Variants in SEC16A observed in about 807,000 individuals in gnomAD.
The protein encoded by SEC16A is protein transport protein Sec16A.
In SEC16A, 110 loss-of-function variants were observed where a neutral mutation model predicts 221.9. The ratio of observed to expected loss-of-function variants is 0.50; its 90% CI spans 0.42 to 0.58. SEC16A has a LOEUF of 0.58. SEC16A is among the 20% of genes least tolerant of loss of function. The pLI, the probability that SEC16A is intolerant of heterozygous loss-of-function variation, is 0.00. For missense variants in SEC16A, 3,165 were observed against 3,097.8 expected, an observed-to-expected ratio of 1.02 and a Z score of -0.52; for synonymous variants, 1,393 against 1,257.7, an observed-to-expected ratio of 1.11 and a Z score of -2.28.
intron 12 of SEC16A, among the ~76,000 whole-genome samples, chr9:136,461,943 A>C (rs182155380): frequency 0.021 from 2,987 of 141,998 alleles, 45 homozygotes; most frequent in Middle Eastern, 0.053. Flanking sequence ...CCGTCTCTAC[A>C]AAAAAAAAAA....
At chr9:136,448,624 G>A in intron 23 of SEC16A, 1 of 712,504 alleles carries the variant, frequency 1.4e-6, no homozygotes, top group Non-Finnish European at 2.6e-6. Flanking sequence ...GACACACCAG[G>A]AGGATGGAGG....
At position 136,476,687 on chromosome 9, in the gene SEC16A, T is replaced by C. The variant is rs1841686747; in HGVS notation, c.929A>G (p.Asn310Ser). ...STFRQNPRIV[N>S]HWASPELRQN... is the part of the protein sequence containing the mutation. ...CCTGAGCTCTGGGCTTGCCCAGTGA[T>C]TCACAATTCTGGGATTTTGCCTGAA... Residue 310 changes from asparagine (N) to serine (S), a missense_variant, in exon 3 of 32, where the codon AAT becomes AGT. Asn to Ser is a conservative substitution (Grantham distance 46). This residue lies in a region of SEC16A where 2,030 missense variants were observed against 1,923.1 expected (regional missense o/e 1.06). Coordinates refer to ENST00000684901, the MANE Select transcript of SEC16A (RefSeq NM_014866.2). The C allele has an allele frequency of 6.4e-7, 1 of 1,572,460 alleles. No individual in the cohort carries two copies. Among genetic ancestry groups the C allele is most frequent in the South Asian group, 1.2e-5 (1 of 84,992 alleles).
intron 23 of SEC16A, among the ~76,000 whole-genome samples, 183 bp downstream of exon 23, chr9:136,451,073 T>A (rs1483173729): frequency 6.6e-6 from 1 of 152,122 alleles, no homozygotes; most frequent in African/African-American, 2.4e-5. Flanking sequence ...TGGGCTATTA[T>A]CCTATTATCT....
chr9:136,456,204 C>T (rs573712379), intron 18 of SEC16A, 38 bp from the exon 19 acceptor site: 18 of 1,483,740 alleles, frequency 1.2e-5, no homozygotes, highest in East Asian at 6.8e-5. Context: ...CTGTCACCAC[C>T]GGGTGATGGC....
At position 136,474,044 on chromosome 9, in the gene SEC16A, C is replaced by CT. The variant is rs768027897; in HGVS notation, c.3567+4dup. 3.1e-5 allele frequency: 49 copies of CT among 1,595,266 alleles called. 1 individual carries two copies. In the South Asian group the frequency reaches 5.4e-4, roughly 17 times the overall value. ...AGTGGGTTACACATACGACTCGACTCTTACCTGGTAATAGAGGGAGGCTGC... is the reference window on the plus strand; with the variant it reads ...AGTGGGTTACACATACGACTCGACTCTTTACCTGGTAATAGAGGGAGGCTGC... On this transcript the variant is annotated splice_donor_region_variant and intron_variant, in intron 3 of 31. Coordinates refer to ENST00000684901, the MANE Select transcript of SEC16A (RefSeq NM_014866.2).
intron 21 of SEC16A, among the ~76,000 whole-genome samples, chr9:136,453,848 A>G (rs1838224718): frequency 1.3e-5 from 2 of 152,234 alleles, no homozygotes; most frequent in South Asian, 4.1e-4. Flanking sequence ...CAGGAGACCC[A>G]TGGCCACCAT....
intron 22 of SEC16A, among the ~76,000 whole-genome samples, chr9:136,452,760 T>C (rs1364467958): frequency 9.5e-6 from 1 of 105,266 alleles, no homozygotes; most frequent in African/African-American, 3.9e-5. Context: ...AGCGAAACTA[T>C]GTCTTAGGGA....
intron 29 of SEC16A, among the ~76,000 whole-genome samples, 154 bp downstream of exon 29, chr9:136,445,491 T>G (rs1418637678): frequency 6.6e-6 from 1 of 152,188 alleles, no homozygotes; most frequent in African/African-American, 2.4e-5. Context: ...AAGTGCAATT[T>G]TTTTTCCCCC....
chr9:136,452,735 C>T (rs1288096609), intron 22 of SEC16A, among the ~76,000 whole-genome samples: 1 of 137,812 alleles, frequency 7.3e-6, no homozygotes, highest in Non-Finnish European at 1.5e-5. Flanking sequence ...CACTGCATTC[C>T]AGCCTAGGCG....
chr9:136,482,496 C>G (rs1564555788), intron 1 of SEC16A, among the ~76,000 whole-genome samples: 1 of 152,236 alleles, frequency 6.6e-6, no homozygotes, highest in Non-Finnish European at 1.5e-5. Flanking sequence ...ACATCCTGAT[C>G]GCCCAATCAA....
chr9:136,483,046 G>T (rs7020201), upstream of SEC16A: 4 of 984,072 alleles, frequency 4.1e-6, no homozygotes, highest in African/African-American at 1.8e-5. Flanking sequence ...CATCCGGCTC[G>T]GGTCTCCGCG....
Position 136,443,847 on chromosome 9 carries a change from G to A in SEC16A, c.6981C>T (p.Phe2327=), listed in dbSNP as rs1224285079. ...CCTGTGCCAGCTGAGCAGGGTTGTA[G>A]AAGGGCATGGCCCCGCTGGGAGGGC... is the stretch of plus-strand genomic sequence containing the variant. ...AGGPPSGAMP[F]YNPAQLAQAC... is the part of the protein sequence containing the mutation. The change falls in exon 31 of 32, where the codon TTC becomes TTT. Residue 2327 remains phenylalanine, a synonymous_variant. Coordinates refer to ENST00000684901, the MANE Select transcript of SEC16A (RefSeq NM_014866.2). The A allele has an allele frequency of 2.5e-6, 4 of 1,612,404 alleles. No homozygotes were observed. In the Admixed American group the frequency reaches 6.7e-5, roughly 27 times the overall value.
intron 4 of SEC16A, 40 bp from the exon 5 acceptor site, chr9:136,468,552 A>G (rs757530448): frequency 1.5e-6 from 2 of 1,306,090 alleles, no homozygotes; most frequent in East Asian, 4.6e-5. Flanking sequence ...CAAATTACCT[A>G]TTTCTTAAAG....
At chr9:136,470,548 G>A (rs1840722373) in intron 4 of SEC16A, among the ~76,000 whole-genome samples, 1 of 152,240 alleles carries the variant, frequency 6.6e-6, no homozygotes. Flanking sequence ...GTGACAGGGT[G>A]ACACACAGTA....
chr9:136,476,525 G>T lies in SEC16A; in HGVS notation c.1091C>A (p.Ala364Glu), dbSNP rs747372216. The change falls in exon 3 of 32, where the codon GCA becomes GAA. Residue 364 changes from alanine (A) to glutamate (E), a missense_variant. This residue lies in a region of SEC16A where 2,030 missense variants were observed against 1,923.1 expected (regional missense o/e 1.06). Transcript: ENST00000684901. ...CAGAGCTCCTGAAGCTCCTGAGTCT[G>T]CTTCTAGCGGGGCACAGCCAGACCC... ...GAGSGCAPLE[A>E]DSGASGALAM... The T allele has an allele frequency of 6.2e-7, 1 of 1,612,742 alleles. No homozygotes were observed. The highest frequency in any genetic ancestry group is 8.5e-7 in the Non-Finnish European group (1 of 1,179,336).
intron 4 of SEC16A, among the ~76,000 whole-genome samples, chr9:136,470,816 G>C (rs1230090047): frequency 6.6e-6 from 1 of 152,228 alleles, no homozygotes; most frequent in Non-Finnish European, 1.5e-5. Flanking sequence ...CTTCATTAAT[G>C]AGTAGCTTTT....
rs910006209 is a variant in SEC16A at position 136,448,942 on chromosome 9, G to A, written c.6313-781C>T. 159 of 659,822 alleles carry A rather than the reference G, an allele frequency of 2.4e-4. No homozygotes were observed. The African/African-American group carries it at 2.6e-3, about 11-fold the overall frequency. 40.9% of individuals were successfully genotyped at this position (659,822 alleles called of 1,614,324 possible). A position where few individuals can be genotyped will look rare whatever the true frequency, so the allele number is the denominator to read the frequency against. ...GAGACAGTTCTGGAGATGGATGGTG[G>A]TGATGGCAACACAACAGTGTGAATG... On this transcript the variant is annotated intron_variant, in intron 23 of 31. Transcript: ENST00000684901.
Position 136,477,173 on chromosome 9 carries a change from G to A in SEC16A, c.443C>T (p.Ser148Leu). Residue 148 changes from serine to leucine, a missense_variant, in exon 3 of 32, where the codon TCA (serine) becomes TTA (leucine). Coordinates refer to ENST00000684901, the MANE Select transcript of SEC16A (RefSeq NM_014866.2). ...MNRSAEVGPS[S>L]EPEVQTLPYL... is the part of the protein sequence containing the mutation. ...TGGCAGAGTCTGAACTTCAGGCTCT[G>A]AACTGGGACCGACCTCTGCACTCCT... 6.2e-7 allele frequency: 1 copy of A among 1,613,864 alleles called. No homozygotes were observed. Among genetic ancestry groups the A allele is most frequent in the South Asian group, 1.1e-5 (1 of 91,082 alleles).
chr9:136,474,941 G>A lies in SEC16A; in HGVS notation c.2675C>T (p.Ser892Phe), dbSNP rs1841420571. 1.2e-6 allele frequency: 2 copies of A among 1,613,858 alleles called. No individual in the cohort carries two copies. Among genetic ancestry groups the A allele is most frequent in the Non-Finnish European group, 1.7e-6 (2 of 1,179,886 alleles). Residue 892 changes from serine to phenylalanine, a missense_variant, in exon 3 of 32, where the codon TCT (serine) becomes TTT (phenylalanine). This residue lies in a region of SEC16A where 2,030 missense variants were observed against 1,923.1 expected (regional missense o/e 1.06). Coordinates refer to ENST00000684901, the MANE Select transcript of SEC16A (RefSeq NM_014866.2). ...GCTAGGCAGAGACAAGCTAAGGACA[G>A]AGCTGGTTGGAATCCCAGACAAAGA... ...NTSLSGIPTS[S>F]VLSLSLPSSV... is the part of the protein sequence containing the mutation.
Sources: gnomAD v4.1 joint callset for allele counts (sites outside exome capture counted in the v4.1 genomes callset) on GRCh38, gnomAD v4.1.1 for gene constraint, gnomAD v4.1.1 regional missense constraint, MANE v1.5 for transcripts, NCBI Gene and HGNC (gene_info 2026-07-23, HGNC 2026-07-21) for gene names.